Variants in KCNIP1 observed in about 807,000 individuals in gnomAD.
KCNIP1 encodes A-type potassium channel modulatory protein KCNIP1.
In KCNIP1, 18 loss-of-function variants were observed where a neutral mutation model predicts 33.0. That is an observed-to-expected ratio of 0.55 (90% CI 0.38 to 0.81). The LOEUF (loss-of-function observed/expected upper bound fraction) is 0.81, where lower values mean the gene tolerates loss of function less well. Ranked by LOEUF, KCNIP1 falls within the 30% of genes least tolerant of loss-of-function variation. The probability of loss-of-function intolerance (pLI) is 0.00; values close to 1 mark genes in which losing one functional copy is unlikely to be tolerated. For synonymous variants in KCNIP1, 93 were observed against 98.3 expected (o/e 0.95, Z 0.32); for missense variants, 238 against 271.6 (o/e 0.88, Z 0.87).
At chr5:170,521,303 A>G (rs1043458051) in intron 1 of KCNIP1, among the ~76,000 whole-genome samples, 1 of 152,208 alleles carries the variant, frequency 6.6e-6, no homozygotes, top group African/African-American at 2.4e-5. Flanking sequence ...CATAGTTGAC[A>G]TGGAAGATAG....
At chr5:170,697,757 C>T (rs1289473779) in intron 1 of KCNIP1, among the ~76,000 whole-genome samples, 1 of 152,132 alleles carries the variant, frequency 6.6e-6, no homozygotes, top group Non-Finnish European at 1.5e-5. Flanking sequence ...TGAATGTTTG[C>T]AGATAATGAA....
chr5:170,390,261 T>G (rs1298337032), intron 1 of KCNIP1, among the ~76,000 whole-genome samples: 5 of 152,014 alleles, frequency 3.3e-5, no homozygotes, highest in African/African-American at 1.2e-4. Flanking sequence ...ATCCCAGCAC[T>G]TTGGGATGCC....
chr5:170,494,951 A>G (rs1446912597), intron 1 of KCNIP1, among the ~76,000 whole-genome samples: 1 of 152,254 alleles, frequency 6.6e-6, no homozygotes, highest in Non-Finnish European at 1.5e-5. Context: ...AGAAAAGAGA[A>G]GTACCTGCCA....
chr5:170,657,359 T>C (rs1397894288), intron 1 of KCNIP1, among the ~76,000 whole-genome samples: 1 of 152,052 alleles, frequency 6.6e-6, no homozygotes, highest in Non-Finnish European at 1.5e-5. Context: ...ACCTGGGAAA[T>C]GAGGGTGAGG....
intron 1 of KCNIP1, among the ~76,000 whole-genome samples, chr5:170,434,390 T>C (rs1372731320): frequency 1.3e-5 from 2 of 152,196 alleles, no homozygotes; most frequent in Admixed American, 1.3e-4. Context: ...TATTATCCTA[T>C]GGGCTGGAGT....
Position 170,383,852 on chromosome 5 carries a change from T to C in KCNIP1, c.88+29888T>C. The C allele has an allele frequency of 1.9e-6, 3 of 1,613,674 alleles. No homozygotes were observed. The highest frequency in any genetic ancestry group is 1.7e-6 in the Non-Finnish European group (2 of 1,179,850). On this transcript the variant is annotated intron_variant, in intron 1 of 7. Coordinates refer to the KCNIP1 transcript ENST00000377360. ...CACTTGGATTCCTGGGTCCACACGC[T>C]GAGGAGACCACACACATGCACACAT... is the stretch of plus-strand genomic sequence containing the variant.
chr5:170,371,512 C>A (rs1763842925), intron 1 of KCNIP1, among the ~76,000 whole-genome samples: 1 of 152,182 alleles, frequency 6.6e-6, no homozygotes, highest in South Asian at 2.1e-4. Flanking sequence ...TTTTCTGGAG[C>A]AATACCACCT....
Position 170,693,604 on chromosome 5 carries a change from C to T in KCNIP1, c.62-25154C>T, listed in dbSNP as rs1217535839. Among the ~76,000 whole-genome samples, 7 of 152,158 alleles carry T rather than the reference C, an allele frequency of 4.6e-5. 1 individual carries two copies. In the South Asian group the frequency reaches 6.2e-4, roughly 14 times the overall value. On this transcript the variant is annotated intron_variant, in intron 1 of 7. Transcript: ENST00000328939. ...GCTCTTCCCACGTCTCTGCCTTTAC[C>T]GAATCAAACACCTGAGCACGGAAGA...
Position 170,489,432 on chromosome 5 carries a change from C to T in KCNIP1, c.88+135468C>T, listed in dbSNP as rs1326708150. Among the ~76,000 whole-genome samples, 2 of 152,166 alleles carry T rather than the reference C, an allele frequency of 1.3e-5. No individual in the cohort carries two copies. The highest frequency in any genetic ancestry group is 6.5e-5 in the Admixed American group (1 of 15,288). ...CCCCTGGGCAAGGGCCGGCCCTTCT[C>T]CTCTCCCTCAGTGTCCTGGAAAGGC... On this transcript the variant is annotated intron_variant, in intron 1 of 7. Coordinates refer to the KCNIP1 transcript ENST00000377360. This position sits in a 1 kb window ranked among gnomAD's most constrained non-coding sequence, Gnocchi z 4.3.
chr5:170,510,431 G>A (rs961170436), intron 1 of KCNIP1, among the ~76,000 whole-genome samples: 3 of 152,150 alleles, frequency 2.0e-5, no homozygotes, highest in Non-Finnish European at 2.9e-5. Context: ...AGAATGCGGC[G>A]GTGCAGATGA....
intron 1 of KCNIP1, among the ~76,000 whole-genome samples, chr5:170,683,724 G>T (rs1762439656): frequency 6.9e-6 from 1 of 144,786 alleles, no homozygotes; most frequent in Non-Finnish European, 1.5e-5. Flanking sequence ...TATTTTTAAG[G>T]TTTTTTTTTT....
upstream of KCNIP1, among the ~76,000 whole-genome samples, chr5:170,500,786 C>G (rs551343988): frequency 6.6e-6 from 1 of 152,208 alleles, no homozygotes; most frequent in East Asian, 1.9e-4. Context: ...ACAAGGCGTC[C>G]GCAGGAATAA....
intron 1 of KCNIP1, among the ~76,000 whole-genome samples, chr5:170,470,058 A>G (rs978021266): frequency 6.6e-6 from 1 of 152,188 alleles, no homozygotes; most frequent in Non-Finnish European, 1.5e-5. Context: ...CCCTGTGTGA[A>G]AATGGAAGAG....
At chr5:170,718,052 C>T (rs1206931870) in intron 1 of KCNIP1, among the ~76,000 whole-genome samples, 1 of 152,186 alleles carries the variant, frequency 6.6e-6, no homozygotes, top group Admixed American at 6.5e-5. Flanking sequence ...TTGACAGACA[C>T]TTTCTAAATA....
intron 1 of KCNIP1, among the ~76,000 whole-genome samples, chr5:170,438,695 G>A (rs937461071): frequency 1.3e-5 from 2 of 152,136 alleles, no homozygotes; most frequent in East Asian, 1.9e-4. Context: ...AAGTCAGCCC[G>A]TGCTCTTTCT....
chr5:170,499,348 G>A (rs1181804507), upstream of KCNIP1, among the ~76,000 whole-genome samples: 2 of 152,196 alleles, frequency 1.3e-5, no homozygotes, highest in Non-Finnish European at 2.9e-5. Flanking sequence ...AACAGGAATA[G>A]GGCAGTCCAC....
chr5:170,697,398 G>T (rs1762933569), intron 1 of KCNIP1, among the ~76,000 whole-genome samples: 1 of 152,174 alleles, frequency 6.6e-6, no homozygotes, highest in Non-Finnish European at 1.5e-5. Flanking sequence ...AAAGTGCCTT[G>T]CACATATTAG....
intron 1 of KCNIP1, among the ~76,000 whole-genome samples, chr5:170,381,073 A>G (rs917987977): frequency 6.6e-6 from 1 of 152,212 alleles, no homozygotes; most frequent in African/African-American, 2.4e-5. Flanking sequence ...AGGTCTATGG[A>G]TGAGCTCTGA....
chr5:170,495,809 G>A (rs1054372174), intron 1 of KCNIP1, among the ~76,000 whole-genome samples: 1 of 152,250 alleles, frequency 6.6e-6, no homozygotes, highest in African/African-American at 2.4e-5. Context: ...TATCTCAGTT[G>A]TATGTGGCCT....
Sources: allele counts gnomAD v4.1 joint callset (sites outside exome capture counted in the v4.1 genomes callset), GRCh38; gene constraint gnomAD v4.1.1; non-coding constraint Gnocchi (gnomAD v3.1); transcripts MANE v1.5; gene names NCBI Gene and HGNC (gene_info 2026-07-23, HGNC 2026-07-21).